Variants in DNM1 observed in about 807,000 individuals in gnomAD.
DNM1 encodes the protein dynamin 1.
A neutral mutation model predicts 104.6 loss-of-function variants in DNM1; 29 were observed. The ratio of observed to expected loss-of-function variants is 0.28; its 90% CI spans 0.21 to 0.38. The LOEUF is 0.38. DNM1 is among the 10% of genes least tolerant of loss of function. The probability of loss-of-function intolerance (pLI) is 1.00; values close to 1 mark genes in which losing one functional copy is unlikely to be tolerated. For missense variants in DNM1, 640 were observed against 1,189.4 expected (o/e 0.54, Z 6.79); for synonymous variants, 445 against 475.8 (o/e 0.94, Z 0.84).
chr9:128,246,618 C>A, intron 16 of DNM1, 115 bp downstream of exon 16: 1 of 707,778 alleles, frequency 1.4e-6, no homozygotes, highest in South Asian at 1.6e-5. Context: ...CCACAGCAAG[C>A]CATCCACTGA....
rs1438186634 is a variant in DNM1 at position 128,254,974 on chromosome 9, T to G, written c.*260T>G. ...CCTACACATGGCCAACCGCCTCGCC[T>G]CTAGCGCTGGGAATCAGTCACTGTG... On this transcript the variant is annotated 3_prime_UTR_variant, in exon 22 of 22. Transcript: ENST00000372923. This position sits in a 1 kb window ranked among gnomAD's most constrained non-coding sequence, Gnocchi z 6.1. 2.7e-6 allele frequency: 1 copy of G among 372,950 alleles called. No individual in the cohort carries two copies. The highest frequency in any genetic ancestry group is 4.8e-6 in the Non-Finnish European group (1 of 208,398). 23.1% of individuals were successfully genotyped at this position (372,950 alleles called of 1,614,324 possible). A position where few individuals can be genotyped will look rare whatever the true frequency, so the allele number is the denominator to read the frequency against.
intron 1 of DNM1, among the ~76,000 whole-genome samples, chr9:128,217,707 G>T (rs192645453): frequency 6.6e-6 from 1 of 152,156 alleles, no homozygotes; most frequent in South Asian, 2.1e-4. Context: ...GTGAGCCACC[G>T]CGCCCGGCCC....
chr9:128,228,909 G>A (rs1301764730), intron 10 of DNM1, among the ~76,000 whole-genome samples: 1 of 151,970 alleles, frequency 6.6e-6, no homozygotes, highest in Non-Finnish European at 1.5e-5. Flanking sequence ...CTTGAACCTG[G>A]GAGGTGGAGG....
At position 128,218,740 on chromosome 9, in the gene DNM1, C is replaced by T; in HGVS notation, c.385+9C>T. ...CGTCTACTCGCCGCACGGTGAGGAC[C>T]CTGGCCCCGCCCTAACCTCTAAGAA... On this transcript the variant is annotated intron_variant, in intron 3 of 21. Transcript: ENST00000372923. The surrounding 1 kb of genome is among the most constrained non-coding windows in gnomAD (Gnocchi z 4.8). The T allele has an allele frequency of 6.3e-7, 1 of 1,592,676 alleles. No homozygotes were observed. Among genetic ancestry groups the T allele is most frequent in the Non-Finnish European group, 8.6e-7 (1 of 1,165,710 alleles).
In DNM1 at chr9:128,218,314, C is replaced by T. The variant is rs372579464; in HGVS notation, c.235+10C>T. The stretch of plus-strand genomic sequence containing the variant: ...GTCAATGCAACCACAGGTACGTGCC[C>T]TCCTTCACCAGCAGCCAGGCCTGCC... On this transcript the variant is annotated intron_variant, in intron 2 of 21. Coordinates refer to ENST00000372923, the MANE Select transcript of DNM1 (RefSeq NM_004408.4). The surrounding 1 kb of genome is among the most constrained non-coding windows in gnomAD (Gnocchi z 4.8). 17 of 1,613,914 alleles carry T rather than the reference C, an allele frequency of 1.1e-5. No homozygotes were observed. The highest frequency in any genetic ancestry group is 2.7e-5 in the African/African-American group (2 of 74,926).
chr9:128,206,890 G>A (rs1418342621), intron 1 of DNM1, among the ~76,000 whole-genome samples: 1 of 152,072 alleles, frequency 6.6e-6, no homozygotes, highest in Non-Finnish European at 1.5e-5. Flanking sequence ...GGTGTGACTT[G>A]GGGAGCGGGT....
intron 1 of DNM1, among the ~76,000 whole-genome samples, chr9:128,210,561 C>T (rs1458655155): frequency 6.6e-6 from 1 of 152,074 alleles, no homozygotes; most frequent in Non-Finnish European, 1.5e-5. Flanking sequence ...TGGGGTTTCA[C>T]CATATTGGCC....
chr9:128,227,514 T>C (rs1835420663), intron 10 of DNM1, among the ~76,000 whole-genome samples: 1 of 150,030 alleles, frequency 6.7e-6, no homozygotes, highest in African/African-American at 2.5e-5. Context: ...CCCAAGTGGC[T>C]GGGACTACAG....
rs372748022 is a variant in DNM1 at position 128,218,537 on chromosome 9, A to G, written c.236-45A>G. 5 of 1,582,828 alleles carry G rather than the reference A, an allele frequency of 3.2e-6. No individual in the cohort carries two copies. In the African/African-American group the frequency reaches 5.4e-5, roughly 17 times the overall value. On this transcript the variant is annotated intron_variant, in intron 2 of 21. Coordinates refer to ENST00000372923, the MANE Select transcript of DNM1 (RefSeq NM_004408.4). This position sits in a 1 kb window ranked among gnomAD's most constrained non-coding sequence, Gnocchi z 4.8. ...GATGAAAACCCCCAGGTGGGGTTCC[A>G]GACCTTGATGCCTACTGCCCTTCCC...
chr9:128,225,669 G>A (rs1382276285), intron 10 of DNM1, among the ~76,000 whole-genome samples: 1 of 152,158 alleles, frequency 6.6e-6, no homozygotes, highest in East Asian at 1.9e-4. Flanking sequence ...CTGGGAGAGA[G>A]CAGGCAGCCT....
chr9:128,248,799 G>C lies in DNM1; in HGVS notation c.2076+46G>C, dbSNP rs1163011430. 1 of 1,589,092 alleles carries C rather than the reference G, an allele frequency of 6.3e-7. No individual in the cohort carries two copies. Among genetic ancestry groups the C allele is most frequent in the Non-Finnish European group, 8.6e-7 (1 of 1,162,154 alleles). On this transcript the variant is annotated intron_variant, in intron 19 of 21. Transcript: ENST00000372923. The surrounding 1 kb of genome is among the most constrained non-coding windows in gnomAD (Gnocchi z 5.6). The stretch of plus-strand genomic sequence containing the variant: ...GGGCAGGGAAATCCTGTGGCACTGG[G>C]GATGCAGGTGGCCATGTTGGCCTGG...
Position 128,220,648 on chromosome 9 carries a change from C to A in DNM1, c.849+307C>A, listed in dbSNP as rs979283336. The stretch of plus-strand genomic sequence containing the variant: ...TTGGGGGCCAGGATTCAAGTATACT[C>A]GGCTGAAGACCTTGACAGGGAATCC... On this transcript the variant is annotated intron_variant, in intron 6 of 21. Transcript: ENST00000372923. The surrounding 1 kb of genome is among the most constrained non-coding windows in gnomAD (Gnocchi z 5.2). Among the ~76,000 whole-genome samples the A allele has an allele frequency of 3.3e-4, 50 of 151,650 alleles. No homozygotes were observed. Among genetic ancestry groups the A allele is most frequent in the African/African-American group, 1.1e-3 (47 of 41,418 alleles).
At chr9:128,239,640 A>C in intron 12 of DNM1, 88 bp from the exon 13 acceptor site, 1 of 1,422,102 alleles carries the variant, frequency 7.0e-7, no homozygotes. Flanking sequence ...TGCTAGGTTA[A>C]CCCTCTGGGT....
In DNM1 at chr9:128,239,426, A is replaced by C; in HGVS notation, c.1423-19A>C. The stretch of plus-strand genomic sequence containing the variant: ...GTGGTGTCTTTTGCGCTTGCCCACC[A>C]ACCTATGTATCCTTGAAGGTCATGC... On this transcript the variant is annotated intron_variant, in intron 11 of 21. Transcript: ENST00000372923. 1 of 1,610,786 alleles carries C rather than the reference A, an allele frequency of 6.2e-7. No homozygotes were observed. The highest frequency in any genetic ancestry group is 1.7e-5 in the Admixed American group (1 of 59,836).
chr9:128,230,228 A>AAT (rs1413683986), intron 10 of DNM1, among the ~76,000 whole-genome samples: 2 of 151,504 alleles, frequency 1.3e-5, no homozygotes, highest in Non-Finnish European at 1.5e-5. Context: ...AAAAAAAAAA[A>AAT]AGAAAATTAA....
intron 11 of DNM1, among the ~76,000 whole-genome samples, chr9:128,235,548 G>A (rs1251279109): frequency 6.6e-6 from 1 of 151,768 alleles, no homozygotes; most frequent in African/African-American, 2.4e-5. Flanking sequence ...TCCATTGTAT[G>A]GATGGACCAC....
Position 128,247,239 on chromosome 9 carries a change from G to A in DNM1, c.1782-136G>A. 1.8e-6 allele frequency: 1 copy of A among 565,142 alleles called. No individual in the cohort carries two copies. Among genetic ancestry groups the A allele is most frequent in the Non-Finnish European group, 3.2e-6 (1 of 310,500 alleles). 35.0% of individuals were successfully genotyped at this position (565,142 alleles called of 1,614,324 possible). ...GTGAGGAAACTGAGGCTGAGAGGAAGGGACTTGCACAGGGTCACACAGCTG... is the reference window on the plus strand; with the variant it reads ...GTGAGGAAACTGAGGCTGAGAGGAAAGGACTTGCACAGGGTCACACAGCTG... On this transcript the variant is annotated intron_variant, in intron 16 of 21. Transcript: ENST00000372923. The surrounding 1 kb of genome is among the most constrained non-coding windows in gnomAD (Gnocchi z 5.1).
intron 1 of DNM1, among the ~76,000 whole-genome samples, chr9:128,206,391 A>G (rs1833977326): frequency 6.6e-6 from 1 of 152,158 alleles, no homozygotes; most frequent in African/African-American, 2.4e-5. Context: ...ACTGAGGCCA[A>G]TTCATTCAGT....
At chr9:128,226,750 C>G (rs1055177925) in intron 10 of DNM1, among the ~76,000 whole-genome samples, 7 of 152,178 alleles carry the variant, frequency 4.6e-5, no homozygotes. Context: ...TTTGAGTTGT[C>G]TGTGACTTTT....
Sources: gnomAD v4.1 joint callset for allele counts (sites outside exome capture counted in the v4.1 genomes callset) on GRCh38, gnomAD v4.1.1 for gene constraint, Gnocchi (gnomAD v3.1) non-coding constraint, MANE v1.5 for transcripts, NCBI Gene and HGNC (gene_info 2026-07-23, HGNC 2026-07-21) for gene names.